The following ACSM3 variants were observed in gnomAD, a reference collection of about 807,000 sequenced individuals.
The protein encoded by ACSM3 is acyl-CoA synthetase medium chain family member 3.
Under a neutral mutation model 74.1 loss-of-function variants are expected in ACSM3, and 61 were observed. The observed-to-expected ratio is 0.82, with a 90% CI of 0.67 to 1.02. The LOEUF (loss-of-function observed/expected upper bound fraction) is 1.02. Among genes scored for constraint, ACSM3 ranks in the 50% least tolerant of loss-of-function variants. The pLI, the probability that ACSM3 is intolerant of heterozygous loss-of-function variation, is 0.00. For missense variants in ACSM3, 660 were observed against 697.0 expected (o/e 0.95, Z 0.60); for synonymous variants, 213 against 241.5 (o/e 0.88, Z 1.09).
chr16:20,764,569 A>C (rs1386862374), intron 1 of ACSM3: 1 of 152,156 alleles, frequency 6.6e-6, no homozygotes, highest in African/African-American at 2.4e-5. Flanking sequence ...ACTGAAAATA[A>C]AAAATTAGCC....
rs2080359885 is a variant in ACSM3 at position 20,781,817 on chromosome 16, T to C, written c.1019+30T>C. On this transcript the variant is annotated intron_variant, in intron 7 of 13. Coordinates refer to ENST00000289416, the MANE Select transcript of ACSM3 (RefSeq NM_005622.4). ...GAAATGTTAGTAAATAGGCATCTAGTGGGGAGAGGGGAGAAGAGGAAGCTA... is the reference window on the plus strand; with the variant it reads ...GAAATGTTAGTAAATAGGCATCTAGCGGGGAGAGGGGAGAAGAGGAAGCTA... 2.0e-6 allele frequency: 3 copies of C among 1,510,158 alleles called. No homozygotes were observed. In the African/African-American group the frequency reaches 4.1e-5, roughly 21 times the overall value. 93.5% of individuals were successfully genotyped at this position (1,510,158 alleles called of 1,614,324 possible). A position where few individuals can be genotyped will look rare whatever the true frequency, so the allele number is the denominator to read the frequency against.
intron 1 of ACSM3, chr16:20,739,105 C>T (rs2079895795): frequency 6.2e-7 from 1 of 1,604,112 alleles, no homozygotes; most frequent in Admixed American, 1.7e-5. Flanking sequence ...AGAAATGACA[C>T]AACAGCTCAC....
At chr16:20,770,309 C>T in intron 2 of ACSM3, 56 bp downstream of exon 2, 1 of 1,420,414 alleles carries the variant, frequency 7.0e-7, no homozygotes. Flanking sequence ...GATTTTACCC[C>T]TAGGTAACAT....
intron 1 of ACSM3, among the ~76,000 whole-genome samples, chr16:20,726,931 A>G (rs2079808586): frequency 2.0e-5 from 3 of 152,180 alleles, no homozygotes; most frequent in South Asian, 2.1e-4. Context: ...CTGAGCCTCA[A>G]TGTCCTCATG....
At chr16:20,742,813 A>ATT (rs372677216) in intron 1 of ACSM3, among the ~76,000 whole-genome samples, 10 of 66,830 alleles carry the variant, frequency 1.5e-4, no homozygotes, top group Admixed American at 2.7e-4. Context: ...ATATATATAT[A>ATT]TTTTTTTTTT....
chr16:20,702,520 G>A (rs988523661), intron 1 of ACSM3, among the ~76,000 whole-genome samples: 2 of 152,156 alleles, frequency 1.3e-5, no homozygotes, highest in African/African-American at 4.8e-5. Context: ...GACGTGAGAT[G>A]GTATCTCATT....
chr16:20,791,191 T>G (rs1298661513), intron 10 of ACSM3, among the ~76,000 whole-genome samples: 1 of 152,232 alleles, frequency 6.6e-6, no homozygotes, highest in East Asian at 1.9e-4. Context: ...AAGATCCAGA[T>G]GCTACTTGCC....
At chr16:20,745,123 A>G (rs1048671877) in intron 1 of ACSM3, among the ~76,000 whole-genome samples, 2 of 152,158 alleles carry the variant, frequency 1.3e-5, no homozygotes, top group Non-Finnish European at 2.9e-5. Context: ...GCCTTCATTT[A>G]TTCCTTATTA....
chr16:20,763,993 A>C (rs1361841059), upstream of ACSM3: 1 of 152,162 alleles, frequency 6.6e-6, no homozygotes, highest in Non-Finnish European at 1.5e-5. Context: ...GCTCCTCCGG[A>C]TTGTCAGACT....
chr16:20,695,347 A>T (rs1370039000), intron 1 of ACSM3, among the ~76,000 whole-genome samples: 1 of 152,208 alleles, frequency 6.6e-6, no homozygotes, highest in Non-Finnish European at 1.5e-5. Context: ...ATCCTGCAAA[A>T]AGCATTCAGC....
rs560478621 is a variant in ACSM3, at chr16:20,741,792, C to A, written c.-189-8118C>A. 4.6e-5 allele frequency: 71 copies of A among 1,547,356 alleles called. 1 individual carries two copies. The highest frequency in any genetic ancestry group is 2.7e-4 in the South Asian group (23 of 84,054). On this transcript the variant is annotated intron_variant, in intron 1 of 3. Transcript: ENST00000561584. ...AACGTTTCTCCGCTGCTGTTGGCGTCCTCGTCTATCGCCGGCGCGAACTGG... is the reference window on the plus strand; with the variant it reads ...AACGTTTCTCCGCTGCTGTTGGCGTACTCGTCTATCGCCGGCGCGAACTGG...
chr16:20,738,149 A>G, intron 1 of ACSM3: 1 of 677,488 alleles, frequency 1.5e-6, no homozygotes, highest in South Asian at 1.4e-5. Flanking sequence ...TGTATCTAAT[A>G]TATTTTAACT....
At chr16:20,677,922 T>C (rs1421842031) in intron 1 of ACSM3, among the ~76,000 whole-genome samples, 2 of 152,120 alleles carry the variant, frequency 1.3e-5, no homozygotes, top group East Asian at 3.9e-4. Context: ...AAGGAAGAAA[T>C]TCTACAGCTC....
chr16:20,741,512 T>C (rs760946471), intron 1 of ACSM3: 13 of 716,034 alleles, frequency 1.8e-5, no homozygotes, highest in South Asian at 1.2e-4. Context: ...CCGGTACCTT[T>C]TCTGGCCCAT....
chr16:20,741,559 C>T, intron 1 of ACSM3: 2 of 1,348,292 alleles, frequency 1.5e-6, no homozygotes, highest in East Asian at 4.8e-5. Flanking sequence ...AGGCTGTAGG[C>T]CTCCTCCACG....
intron 2 of ACSM3, among the ~76,000 whole-genome samples, chr16:20,753,707 T>C (rs2080006005): frequency 6.6e-6 from 1 of 151,948 alleles, no homozygotes; most frequent in African/African-American, 2.4e-5. Context: ...ACAACTATTT[T>C]TGAGAAATTT....
intron 9 of ACSM3, chr16:20,789,524 G>T (rs1295338867): frequency 6.2e-7 from 1 of 1,613,626 alleles, no homozygotes; most frequent in African/African-American, 1.3e-5. Flanking sequence ...TACTCATATT[G>T]GGCTTCTGAA....
At chr16:20,680,009 C>G (rs2079406314) in intron 1 of ACSM3, 1 of 152,126 alleles carries the variant, frequency 6.6e-6, no homozygotes, top group African/African-American at 2.4e-5. Context: ...ACAAGAGAGG[C>G]TTAGCAGGAG....
In ACSM3 at chr16:20,745,116, T is replaced by C. The variant is rs182677762; in HGVS notation, c.-189-4794T>C. Among the ~76,000 whole-genome samples, 688 of 152,342 alleles carry C rather than the reference T, an allele frequency of 4.5e-3. 6 individuals carry two copies. Among genetic ancestry groups the C allele is most frequent in the African/African-American group, 0.015 (637 of 41,576 alleles). ...TCGTCCAGCTCTAAATAACTCAGCCTTCATTTATTCCTTATTATTCTTCTT... is the reference window on the plus strand; with the variant it reads ...TCGTCCAGCTCTAAATAACTCAGCCCTCATTTATTCCTTATTATTCTTCTT... On this transcript the variant is annotated intron_variant, in intron 1 of 3. Coordinates refer to the ACSM3 transcript ENST00000561584.
Sources: gnomAD v4.1 joint callset for allele counts (sites outside exome capture counted in the v4.1 genomes callset) on GRCh38, gnomAD v4.1.1 for gene constraint, MANE v1.5 for transcripts, NCBI Gene and HGNC (gene_info 2026-07-23, HGNC 2026-07-21) for gene names.